ST8SIA1: variants seen among roughly 807,000 people sequenced by gnomAD.
ST8SIA1 encodes alpha-N-acetylneuraminide alpha-2,8-sialyltransferase.
In ST8SIA1, 16 loss-of-function variants were observed where a neutral mutation model predicts 35.9. The ratio of observed to expected loss-of-function variants is 0.45; its 90% CI spans 0.30 to 0.68. ST8SIA1 has a LOEUF of 0.68. Ranked by LOEUF, ST8SIA1 falls within the 30% of genes least tolerant of loss-of-function variation. The probability of loss-of-function intolerance (pLI) is 0.09; values close to 1 mark genes in which losing one functional copy is unlikely to be tolerated. For synonymous variants in ST8SIA1, 170 were observed against 169.6 expected (o/e 1.00, Z -0.02); for missense variants, 383 against 453.6 (o/e 0.84, Z 1.41).
At chr12:22,278,141 A>G (rs1486667802) in intron 2 of ST8SIA1, among the ~76,000 whole-genome samples, 1 of 152,232 alleles carries the variant, frequency 6.6e-6, no homozygotes, top group Non-Finnish European at 1.5e-5. Flanking sequence ...GCAGCAGGGC[A>G]TATTTATTTA....
At position 22,195,855 on chromosome 12, in the gene ST8SIA1, ACTTTT is replaced by A. The variant is rs1238809003; in HGVS notation, c.*5692_*5696del. 4 of 152,144 alleles carry A rather than the reference ACTTTT, an allele frequency of 2.6e-5. No homozygotes were observed. Among genetic ancestry groups the A allele is most frequent in the African/African-American group, 9.7e-5 (4 of 41,432 alleles). The allele number at this position is 152,144 out of a possible 1,614,324, so 9.4% of individuals were successfully genotyped here. A position where few individuals can be genotyped will look rare whatever the true frequency, so the allele number is the denominator to read the frequency against. On this transcript the variant is annotated 3_prime_UTR_variant, in exon 5 of 5. Transcript: ENST00000396037. ...ATAAAATAGACATTAACTGATTCTTACTTTTCTTTGCCTTGGATTATATCACATCT... is the reference window on the plus strand; with the variant it reads ...ATAAAATAGACATTAACTGATTCTTACTTTGCCTTGGATTATATCACATCT...
intron 4 of ST8SIA1, among the ~76,000 whole-genome samples, chr12:22,218,429 C>T (rs192190760): frequency 3.9e-5 from 6 of 151,948 alleles, no homozygotes; most frequent in Admixed American, 3.9e-4. Context: ...ACCAGCCTGA[C>T]CAACATGGCA....
chr12:22,262,116 G>C (rs1214012607), intron 2 of ST8SIA1, among the ~76,000 whole-genome samples: 2 of 152,010 alleles, frequency 1.3e-5, no homozygotes, highest in African/African-American at 4.8e-5. Flanking sequence ...TTAGGAAGGT[G>C]AAAAAAAGAC....
chr12:22,331,199 C>G (rs1242107721), intron 1 of ST8SIA1, among the ~76,000 whole-genome samples: 1 of 150,436 alleles, frequency 6.6e-6, no homozygotes, highest in Admixed American at 6.6e-5. Flanking sequence ...TGAAACACTC[C>G]CTTTTCTCTT....
At chr12:22,306,526 T>G (rs1866385142) in intron 1 of ST8SIA1, among the ~76,000 whole-genome samples, 1 of 152,218 alleles carries the variant, frequency 6.6e-6, no homozygotes, top group African/African-American at 2.4e-5. Context: ...CCTTAGATTT[T>G]GAAGCCATTA....
chr12:22,204,251 C>T (rs1865082161), intron 4 of ST8SIA1, among the ~76,000 whole-genome samples: 1 of 152,018 alleles, frequency 6.6e-6, no homozygotes, highest in South Asian at 2.1e-4. Context: ...TAGAACTTTC[C>T]CCTTCAACGC....
chr12:22,207,353 G>C (rs1035925080), intron 4 of ST8SIA1, among the ~76,000 whole-genome samples: 3 of 152,228 alleles, frequency 2.0e-5, no homozygotes, highest in African/African-American at 7.2e-5. Flanking sequence ...TAAGTGTATA[G>C]GGTAGACAGC....
At chr12:22,245,029 C>CT (rs1865584403) in intron 4 of ST8SIA1, among the ~76,000 whole-genome samples, 1 of 152,086 alleles carries the variant, frequency 6.6e-6, no homozygotes, top group Non-Finnish European at 1.5e-5. Context: ...GCCACATTGT[C>CT]TTAATTATAA....
At chr12:22,303,194 G>C (rs918688738) in intron 1 of ST8SIA1, among the ~76,000 whole-genome samples, 10 of 152,210 alleles carry the variant, frequency 6.6e-5, no homozygotes, top group Admixed American at 2.6e-4. Flanking sequence ...CTTGGTACCA[G>C]CTAGAGGTAG....
chr12:22,271,623 A>T (rs1186159597), intron 2 of ST8SIA1, among the ~76,000 whole-genome samples: 1 of 152,228 alleles, frequency 6.6e-6, no homozygotes. Flanking sequence ...AATTATAAAA[A>T]GTGCCAGGTC....
At chr12:22,284,349 C>T (rs1162546740) in intron 2 of ST8SIA1, among the ~76,000 whole-genome samples, 1 of 152,172 alleles carries the variant, frequency 6.6e-6, no homozygotes, top group Non-Finnish European at 1.5e-5. Context: ...GCTGAAAACG[C>T]TGAGCCTGGC....
chr12:22,278,740 C>T (rs993701613), intron 2 of ST8SIA1, among the ~76,000 whole-genome samples: 4 of 151,990 alleles, frequency 2.6e-5, no homozygotes, highest in Non-Finnish European at 5.9e-5. Context: ...AGTTAAAATT[C>T]TGAAATCTCA....
rs556456683 is a variant in ST8SIA1, at chr12:22,259,288, G to A, written c.382-3899C>T. ...CCAAAGCCCTCAAACAAAAGTCCAG[G>A]GGTTTTTTTAAAAAAAGCCATTTTG... On this transcript the variant is annotated intron_variant, in intron 2 of 4. Coordinates refer to ENST00000396037, the MANE Select transcript of ST8SIA1 (RefSeq NM_003034.4). Among the ~76,000 whole-genome samples the A allele has an allele frequency of 1.3e-4, 18 of 141,906 alleles. No individual in the cohort carries two copies. The East Asian group carries it at 3.6e-3, about 28-fold the overall frequency. 93.1% of individuals were successfully genotyped at this position (141,906 alleles called of 152,430 possible). A position where few individuals can be genotyped will look rare whatever the true frequency, so the allele number is the denominator to read the frequency against.
intron 1 of ST8SIA1, among the ~76,000 whole-genome samples, chr12:22,314,512 GA>G (rs1170520307): frequency 6.6e-6 from 1 of 151,996 alleles, no homozygotes; most frequent in African/African-American, 2.4e-5. Context: ...AAAATTTAAA[GA>G]AAAAAATGGA....
intron 4 of ST8SIA1, among the ~76,000 whole-genome samples, chr12:22,236,396 A>C (rs11046347): frequency 0.086 from 13,025 of 152,270 alleles, 665 homozygotes; most frequent in Middle Eastern, 0.12. Flanking sequence ...TCACACAGCC[A>C]ATGCTGTTCT....
chr12:22,318,621 G>A (rs1250895449), intron 1 of ST8SIA1, among the ~76,000 whole-genome samples: 2 of 152,092 alleles, frequency 1.3e-5, no homozygotes, highest in African/African-American at 4.8e-5. Context: ...GTCAGGCAGA[G>A]AGAGGAAAAA....
chr12:22,271,530 T>A (rs553540646), intron 2 of ST8SIA1, among the ~76,000 whole-genome samples: 1 of 152,286 alleles, frequency 6.6e-6, no homozygotes, highest in Admixed American at 6.5e-5. Context: ...TTTCTTAGCC[T>A]CAGCTTCCTC....
At chr12:22,313,235 C>G (rs1264645565) in intron 1 of ST8SIA1, among the ~76,000 whole-genome samples, 1 of 152,128 alleles carries the variant, frequency 6.6e-6, no homozygotes, top group East Asian at 1.9e-4. Context: ...TACATATAAA[C>G]CCCTTTGCAT....
At chr12:22,252,535 G>A (rs554332270) in intron 3 of ST8SIA1, among the ~76,000 whole-genome samples, 1 of 152,252 alleles carries the variant, frequency 6.6e-6, no homozygotes, top group African/African-American at 2.4e-5. Flanking sequence ...AACTATTCTT[G>A]AAATTAAATC....
Sources: gnomAD v4.1 joint callset for allele counts (sites outside exome capture counted in the v4.1 genomes callset) on GRCh38, gnomAD v4.1.1 for gene constraint, MANE v1.5 for transcripts, NCBI Gene and HGNC (gene_info 2026-07-23, HGNC 2026-07-21) for gene names.